RAP1GAP2: variants seen among roughly 807,000 people sequenced by gnomAD.
RAP1GAP2 encodes RAP1 GTPase activating protein 2.
RAP1GAP2 carries 27 observed loss-of-function variants against 95.0 expected under a neutral mutation model. The observed-to-expected ratio is 0.28, with a 90% CI of 0.21 to 0.39. RAP1GAP2 has a LOEUF of 0.39. RAP1GAP2 is among the 10% of genes least tolerant of loss of function. The probability of loss-of-function intolerance (pLI) is 1.00; values close to 1 mark genes in which losing one functional copy is unlikely to be tolerated. For missense variants in RAP1GAP2, 771 were observed against 970.0 expected, an observed-to-expected ratio of 0.79 and a Z score of 2.72; for synonymous variants, 373 against 380.9, an observed-to-expected ratio of 0.98 and a Z score of 0.24.
intron 2 of RAP1GAP2, among the ~76,000 whole-genome samples, chr17:2,771,328 G>T (rs1017579498): frequency 3.9e-5 from 6 of 151,958 alleles, no homozygotes; most frequent in African/African-American, 1.5e-4. Flanking sequence ...CCAAACCCCT[G>T]CCCACTCTTC....
chr17:2,775,966 G>C (rs2068489612), upstream of RAP1GAP2, among the ~76,000 whole-genome samples: 1 of 152,188 alleles, frequency 6.6e-6, no homozygotes. Context: ...ATCACCTAAG[G>C]CCAGGAGTTT....
At chr17:2,799,955 C>T (rs899300702) in intron 1 of RAP1GAP2, among the ~76,000 whole-genome samples, 16 of 152,146 alleles carry the variant, frequency 1.1e-4, no homozygotes, top group African/African-American at 3.9e-4. Context: ...AACCTCTGTG[C>T]CTGATACAAC....
chr17:2,974,540 T>C (rs1017490230), intron 8 of RAP1GAP2, among the ~76,000 whole-genome samples: 3 of 151,282 alleles, frequency 2.0e-5, no homozygotes, highest in African/African-American at 7.3e-5. Context: ...AATTAGAAAG[T>C]GACAAGAAAT....
Position 2,871,848 on chromosome 17 carries a change from A to G in RAP1GAP2, c.81-33436A>G, listed in dbSNP as rs968432679. Among the ~76,000 whole-genome samples the G allele has an allele frequency of 4.6e-5, 7 of 152,070 alleles. No homozygotes were observed. Among genetic ancestry groups the G allele is most frequent in the African/African-American group, 1.2e-4 (5 of 41,438 alleles). ...GCAATATTATTTGAAATAGCAAAAC[A>G]CTGGAAACAACCAAATCCCTATTCA... is the stretch of plus-strand genomic sequence containing the variant. On this transcript the variant is annotated intron_variant, in intron 2 of 24. Transcript: ENST00000254695. The surrounding 1 kb of genome is among the most constrained non-coding windows in gnomAD (Gnocchi z 5.0).
chr17:2,836,034 G>A (rs974503123), intron 2 of RAP1GAP2, among the ~76,000 whole-genome samples: 1 of 151,962 alleles, frequency 6.6e-6, no homozygotes, highest in Admixed American at 6.6e-5. Flanking sequence ...TCTGGCACTG[G>A]CGGGGTGTGT....
At chr17:2,980,394 G>A (rs781614983) in intron 9 of RAP1GAP2, 29 bp downstream of exon 9, 2 of 1,601,728 alleles carry the variant, frequency 1.2e-6, no homozygotes, top group African/African-American at 2.7e-5. Context: ...AGAGATGGTG[G>A]CTTCCTCTCT....
chr17:3,011,744 C>T (rs538661187), intron 17 of RAP1GAP2, among the ~76,000 whole-genome samples: 135 of 151,624 alleles, frequency 8.9e-4, no homozygotes, highest in Non-Finnish European at 1.7e-3. Flanking sequence ...CTCAGCCTCC[C>T]GAGTAGCTGG....
In RAP1GAP2 at chr17:2,963,276, A is replaced by C; in HGVS notation, c.247-154A>C. The C allele has an allele frequency of 1.2e-6, 1 of 839,264 alleles. No individual in the cohort carries two copies. The highest frequency in any genetic ancestry group is 2.0e-6 in the Non-Finnish European group (1 of 500,028). 52.0% of individuals were successfully genotyped at this position (839,264 alleles called of 1,614,324 possible). A position where few individuals can be genotyped will look rare whatever the true frequency, so the allele number is the denominator to read the frequency against. Reference sequence around the variant, plus strand: ...TTTGGAGAAGAACATGGGGGATGTTAGATTCCAGAGCTGATTCTGAGCTGT... The same window carrying C: ...TTTGGAGAAGAACATGGGGGATGTTCGATTCCAGAGCTGATTCTGAGCTGT... On this transcript the variant is annotated intron_variant, in intron 5 of 24. Transcript: ENST00000254695. This position sits in a 1 kb window ranked among gnomAD's most constrained non-coding sequence, Gnocchi z 4.8.
At chr17:2,974,605 T>A (rs2045027846) in intron 8 of RAP1GAP2, among the ~76,000 whole-genome samples, 1 of 152,108 alleles carries the variant, frequency 6.6e-6, no homozygotes, top group South Asian at 2.1e-4. Flanking sequence ...GGATTTTTTT[T>A]TTTGCATGTT....
In RAP1GAP2 at chr17:2,964,080, G is replaced by T; in HGVS notation, c.492+12G>T. Reference sequence around the variant, plus strand: ...ACTTCCTGGGGAAGGTGAGGCTGGGGGAGAGGAGCTGCTGGGGGTTGGGGG... The same window carrying T: ...ACTTCCTGGGGAAGGTGAGGCTGGGTGAGAGGAGCTGCTGGGGGTTGGGGG... On this transcript the variant is annotated intron_variant, in intron 7 of 24. Coordinates refer to ENST00000254695, the MANE Select transcript of RAP1GAP2 (RefSeq NM_015085.5). The T allele has an allele frequency of 2.5e-6, 4 of 1,603,110 alleles. No individual in the cohort carries two copies. The South Asian group carries it at 3.3e-5, about 13-fold the overall frequency.
intron 3 of RAP1GAP2, among the ~76,000 whole-genome samples, chr17:2,912,391 C>T (rs1169963489): frequency 1.3e-5 from 2 of 152,162 alleles, no homozygotes; most frequent in African/African-American, 2.4e-5. Flanking sequence ...CTCCTGTCTT[C>T]TGTTAGGCTG....
At chr17:2,822,534 A>C (rs1013691975) in intron 2 of RAP1GAP2, among the ~76,000 whole-genome samples, 1 of 151,452 alleles carries the variant, frequency 6.6e-6, no homozygotes, top group Non-Finnish European at 1.5e-5. Context: ...GTCAGGTGGG[A>C]GGATTGCTTG....
chr17:2,774,369 C>A (rs2068452004), upstream of RAP1GAP2, among the ~76,000 whole-genome samples: 1 of 152,048 alleles, frequency 6.6e-6, no homozygotes, highest in Non-Finnish European at 1.5e-5. Context: ...CGTTCCTCTG[C>A]CAGACATTGT....
At chr17:2,910,170 A>T (rs1226876915) in intron 3 of RAP1GAP2, among the ~76,000 whole-genome samples, 1 of 152,156 alleles carries the variant, frequency 6.6e-6, no homozygotes, top group Non-Finnish European at 1.5e-5. Flanking sequence ...GAGCATAGCG[A>T]CTGTGTCCTA....
chr17:2,872,119 C>A (rs957672755), intron 2 of RAP1GAP2, among the ~76,000 whole-genome samples: 20 of 145,704 alleles, frequency 1.4e-4, no homozygotes, highest in African/African-American at 4.9e-4. Flanking sequence ...GAGGCTGAGG[C>A]AGGAGAATCG....
At chr17:2,995,877 T>C (rs1294841546) in intron 13 of RAP1GAP2, among the ~76,000 whole-genome samples, 1 of 152,134 alleles carries the variant, frequency 6.6e-6, no homozygotes, top group Non-Finnish European at 1.5e-5. Flanking sequence ...GGTTTGCAGA[T>C]GGGGGCCTGA....
intron 2 of RAP1GAP2, among the ~76,000 whole-genome samples, chr17:2,837,668 G>T (rs1387097822): frequency 7.0e-6 from 1 of 143,856 alleles, no homozygotes; most frequent in Non-Finnish European, 1.5e-5. Context: ...GTGCAGTGGC[G>T]TGACCTTGGC....
At chr17:2,881,254 C>G (rs2073277602) in intron 2 of RAP1GAP2, among the ~76,000 whole-genome samples, 1 of 146,378 alleles carries the variant, frequency 6.8e-6, no homozygotes, top group South Asian at 2.4e-4. Context: ...GAGTGAGACT[C>G]TGCCTCAAAA....
intron 1 of RAP1GAP2, among the ~76,000 whole-genome samples, chr17:2,785,010 C>T (rs1378905355): frequency 6.6e-6 from 1 of 152,236 alleles, no homozygotes; most frequent in Non-Finnish European, 1.5e-5. Context: ...CCACCTGAGT[C>T]ACTGTTCATC....
Sources: gnomAD v4.1 joint callset for allele counts (sites outside exome capture counted in the v4.1 genomes callset) on GRCh38, gnomAD v4.1.1 for gene constraint, Gnocchi (gnomAD v3.1) non-coding constraint, MANE v1.5 for transcripts, NCBI Gene and HGNC (gene_info 2026-07-23, HGNC 2026-07-21) for gene names.